Variants in RAB31 observed in about 807,000 individuals in gnomAD.
The protein encoded by RAB31 is RAB31, member RAS oncogene family.
RAB31 carries 21 observed loss-of-function variants against 25.6 expected under a neutral mutation model. The ratio of observed to expected loss-of-function variants is 0.82; its 90% CI spans 0.58 to 1.18. The LOEUF (loss-of-function observed/expected upper bound fraction) is 1.18. Ranked by LOEUF, RAB31 falls within the 50% of genes most tolerant of loss-of-function variation. The probability of loss-of-function intolerance (pLI) is 0.00; values close to 1 mark genes in which losing one functional copy is unlikely to be tolerated. For synonymous variants in RAB31, 87 were observed against 84.0 expected, an observed-to-expected ratio of 1.04 and a Z score of -0.20; for missense variants, 196 against 250.1, an observed-to-expected ratio of 0.78 and a Z score of 1.46.
intron 1 of RAB31, among the ~76,000 whole-genome samples, chr18:9,753,415 G>T (rs574707358): frequency 2.6e-5 from 4 of 152,314 alleles, no homozygotes; most frequent in African/African-American, 9.6e-5. Flanking sequence ...GCCATGTGAT[G>T]CCCTGCTCCA....
intron 1 of RAB31, among the ~76,000 whole-genome samples, chr18:9,731,400 G>A (rs12606126): frequency 0.025 from 3,821 of 152,216 alleles, 121 homozygotes; most frequent in South Asian, 0.15. Context: ...AGAGAGAATC[G>A]TTATGTTAGA....
intron 1 of RAB31, among the ~76,000 whole-genome samples, chr18:9,732,963 G>A (rs762806709): frequency 7.9e-5 from 12 of 152,138 alleles, no homozygotes; most frequent in Non-Finnish European, 1.3e-4. Context: ...GAAACTTGAG[G>A]GTAGGTTAAG....
At chr18:9,824,021 T>C (rs566927366) in intron 5 of RAB31, among the ~76,000 whole-genome samples, 4 of 152,350 alleles carry the variant, frequency 2.6e-5, no homozygotes. Flanking sequence ...CCTGCTGATA[T>C]AACTTTTCTG....
At chr18:9,831,337 G>T (rs1348693554) in intron 5 of RAB31, among the ~76,000 whole-genome samples, 1 of 152,160 alleles carries the variant, frequency 6.6e-6, no homozygotes, top group Non-Finnish European at 1.5e-5. Context: ...TTTGACATAT[G>T]CCTATCATTT....
intron 1 of RAB31, among the ~76,000 whole-genome samples, chr18:9,733,994 T>C (rs1056947085): frequency 1.3e-5 from 2 of 151,166 alleles, no homozygotes; most frequent in Non-Finnish European, 2.9e-5. Flanking sequence ...TTAATACAAA[T>C]GTAAAGAGGG....
intron 3 of RAB31, among the ~76,000 whole-genome samples, chr18:9,806,038 G>A (rs149222376): frequency 0.016 from 2,426 of 152,266 alleles, 49 homozygotes; most frequent in African/African-American, 0.044. Context: ...GTAGCCAGGT[G>A]TGGTGGCAGG....
intron 5 of RAB31, among the ~76,000 whole-genome samples, chr18:9,830,814 T>C (rs537159885): frequency 2.6e-5 from 4 of 152,350 alleles, no homozygotes; most frequent in Admixed American, 6.5e-5. Flanking sequence ...ATATTAACTA[T>C]CTTTCATAAG....
intron 3 of RAB31, among the ~76,000 whole-genome samples, chr18:9,807,964 C>T (rs866197394): frequency 2.0e-5 from 3 of 152,268 alleles, no homozygotes; most frequent in East Asian, 1.9e-4. Flanking sequence ...GACGACAGAG[C>T]GAGACCCTGT....
chr18:9,717,795 G>A (rs1013312959), intron 1 of RAB31, among the ~76,000 whole-genome samples: 2 of 152,176 alleles, frequency 1.3e-5, no homozygotes, highest in African/African-American at 4.8e-5. Context: ...GAAAGAGCAA[G>A]GTGTTCTTGT....
At chr18:9,827,195 A>G (rs1380806004) in intron 5 of RAB31, among the ~76,000 whole-genome samples, 1 of 151,942 alleles carries the variant, frequency 6.6e-6, no homozygotes, top group African/African-American at 2.4e-5. Flanking sequence ...ACTGCTTTTC[A>G]AGCTCAGGGG....
At chr18:9,845,509 G>A (rs1462283250) in intron 5 of RAB31, 73 bp from the exon 6 acceptor site, 5 of 1,333,824 alleles carry the variant, frequency 3.7e-6, no homozygotes, top group Non-Finnish European at 5.0e-6. Flanking sequence ...CGCACAAGCT[G>A]TCTGGTCTTT....
At chr18:9,802,939 G>A (rs2068521335) in intron 3 of RAB31, among the ~76,000 whole-genome samples, 1 of 152,192 alleles carries the variant, frequency 6.6e-6, no homozygotes, top group Non-Finnish European at 1.5e-5. Context: ...TAGGCCATTA[G>A]TAAAGTCAGA....
At chr18:9,759,991 A>C (rs1364561740) in intron 1 of RAB31, among the ~76,000 whole-genome samples, 1 of 151,924 alleles carries the variant, frequency 6.6e-6, no homozygotes, top group Non-Finnish European at 1.5e-5. Context: ...AGGGTGGGTA[A>C]ATGGTCCCTG....
At chr18:9,778,290 C>G (rs2068383860) in intron 2 of RAB31, among the ~76,000 whole-genome samples, 1 of 151,896 alleles carries the variant, frequency 6.6e-6, no homozygotes, top group African/African-American at 2.4e-5. Context: ...GAGGGAGGGT[C>G]GGGGATGGAT....
At chr18:9,824,288 GTGTATGTGTGTGTAGATGTGTA>G (rs2068638363) in intron 5 of RAB31, among the ~76,000 whole-genome samples, 1 of 86,732 alleles carries the variant, frequency 1.2e-5, no homozygotes, top group Non-Finnish European at 3.0e-5. Flanking sequence ...GTAGATGTGT[GTGTATGTGTGTGTAGATGTGTA>G]TGTGTGTGTA....
rs1298423642 is a variant in RAB31 at position 9,715,149 on chromosome 18, A to C, written c.39+6705A>C. On this transcript the variant is annotated intron_variant, in intron 1 of 6. Coordinates refer to ENST00000578921, the MANE Select transcript of RAB31 (RefSeq NM_006868.4). ...GTGAGGCAGGAGGTGTTGCATGTAT[A>C]GTGGGATATGGTGGGAGTCAAATAC... is the stretch of plus-strand genomic sequence containing the variant. Among the ~76,000 whole-genome samples, 6 of 152,102 alleles carry C rather than the reference A, an allele frequency of 3.9e-5. No individual in the cohort carries two copies. In the East Asian group the frequency reaches 1.2e-3, roughly 29 times the overall value.
chr18:9,822,161 A>G (rs1011558879), intron 5 of RAB31, among the ~76,000 whole-genome samples: 2 of 152,180 alleles, frequency 1.3e-5, no homozygotes, highest in African/African-American at 4.8e-5. Context: ...AATCTACACA[A>G]ATATGCTCAA....
intron 1 of RAB31, among the ~76,000 whole-genome samples, chr18:9,713,453 A>G (rs1337546507): frequency 6.6e-6 from 1 of 152,102 alleles, no homozygotes; most frequent in Non-Finnish European, 1.5e-5. Context: ...AATAAATATG[A>G]TATAGTGGGC....
chr18:9,803,856 T>G (rs572858946), intron 3 of RAB31, among the ~76,000 whole-genome samples: 114 of 152,336 alleles, frequency 7.5e-4, no homozygotes, highest in Non-Finnish European at 1.5e-3. Context: ...CCCCCAGAAC[T>G]GTCGTGCCAT....
Sources: allele counts gnomAD v4.1 joint callset (sites outside exome capture counted in the v4.1 genomes callset), GRCh38; gene constraint gnomAD v4.1.1; transcripts MANE v1.5; gene names NCBI Gene and HGNC (gene_info 2026-07-23, HGNC 2026-07-21).